The following MAN1A2 variants were observed in gnomAD, a reference collection of about 807,000 sequenced individuals.
The protein encoded by MAN1A2 is mannosyl-oligosaccharide 1,2-alpha-mannosidase IB.
Under a neutral mutation model 75.7 loss-of-function variants are expected in MAN1A2, and 26 were observed. The observed-to-expected ratio is 0.34, with a 90% CI of 0.25 to 0.48. The LOEUF is 0.48. Ranked by LOEUF, MAN1A2 falls within the 20% of genes least tolerant of loss-of-function variation. The pLI, the probability that MAN1A2 is intolerant of heterozygous loss-of-function variation, is 0.99. For missense variants in MAN1A2, 562 were observed against 775.5 expected (o/e 0.72, Z 3.27); for synonymous variants, 247 against 264.6 (o/e 0.93, Z 0.65).
chr1:117,431,143 G>C (rs982142815), intron 5 of MAN1A2, among the ~76,000 whole-genome samples: 45 of 126,830 alleles, frequency 3.5e-4, no homozygotes, highest in Middle Eastern at 4.0e-3. Context: ...AGCCGAGATG[G>C]CAGCAGTACA....
chr1:117,517,485 G>A (rs1651747035), intron 12 of MAN1A2, among the ~76,000 whole-genome samples: 2 of 152,088 alleles, frequency 1.3e-5, no homozygotes, highest in Admixed American at 1.3e-4. Flanking sequence ...AAACTGTAAT[G>A]TTTCAGTTGA....
intron 6 of MAN1A2, among the ~76,000 whole-genome samples, chr1:117,458,293 T>A (rs1482923290): frequency 6.6e-6 from 1 of 151,690 alleles, no homozygotes; most frequent in Non-Finnish European, 1.5e-5. Flanking sequence ...TCTTTGATTC[T>A]CACTTCTAGC....
chr1:117,445,884 G>GTATATATA (rs59011673), intron 6 of MAN1A2, among the ~76,000 whole-genome samples: 1 of 138,768 alleles, frequency 7.2e-6, no homozygotes, highest in African/African-American at 2.6e-5. Flanking sequence ...CTGTGTGTGT[G>GTATATATA]TATATATATA....
At chr1:117,447,573 G>A (rs536258345) in intron 6 of MAN1A2, among the ~76,000 whole-genome samples, 27 of 152,202 alleles carry the variant, frequency 1.8e-4, no homozygotes, top group Non-Finnish European at 3.4e-4. Flanking sequence ...TCCTTAATAA[G>A]TGTGTGAGAA....
rs1203441198 is a variant in MAN1A2, at chr1:117,524,149, C to T, written c.*1192C>T. The stretch of plus-strand genomic sequence containing the variant: ...GAATATTTATAGAATTCCAAAGAAT[C>T]AGAATAGTTTCAAAATAATTTTCAG... On this transcript the variant is annotated 3_prime_UTR_variant, in exon 13 of 13. Transcript: ENST00000356554. 1 of 151,904 alleles carries T rather than the reference C, an allele frequency of 6.6e-6. No homozygotes were observed. Among genetic ancestry groups the T allele is most frequent in the East Asian group, 1.9e-4 (1 of 5,176 alleles). 9.4% of individuals were successfully genotyped at this position (151,904 alleles called of 1,614,324 possible). A position where few individuals can be genotyped will look rare whatever the true frequency, so the allele number is the denominator to read the frequency against.
At chr1:117,386,596 C>T (rs149176863) in intron 1 of MAN1A2, among the ~76,000 whole-genome samples, 1 of 152,222 alleles carries the variant, frequency 6.6e-6, no homozygotes, top group Non-Finnish European at 1.5e-5. Flanking sequence ...TGTCTGCACC[C>T]TCTGGCTGAG....
intron 1 of MAN1A2, among the ~76,000 whole-genome samples, chr1:117,380,682 G>A (rs969299934): frequency 1.3e-5 from 2 of 152,142 alleles, no homozygotes; most frequent in African/African-American, 2.4e-5. Context: ...GGCTATAGAT[G>A]TATGGGTGGG....
Position 117,526,880 on chromosome 1 carries a change from C to CTCTCTCTCTCTCTCTCTATATATATATA in MAN1A2, c.*3924_*3925insCTCTCTCTCTCTCTCTATATATATATAT. The CTCTCTCTCTCTCTCTCTATATATATATA allele has an allele frequency of 1.8e-5, 1 of 54,520 alleles. No homozygotes were observed. The highest frequency in any genetic ancestry group is 3.4e-5 in the Non-Finnish European group (1 of 29,162). 3.4% of individuals were successfully genotyped at this position (54,520 alleles called of 1,614,324 possible). ...TCTCTCTCTCTCTCTCTCTCTCTCT[C>CTCTCTCTCTCTCTCTCTATATATATATA]TATATATATATATATATATATATAT... On this transcript the variant is annotated 3_prime_UTR_variant, in exon 13 of 13. Transcript: ENST00000356554.
intron 6 of MAN1A2, among the ~76,000 whole-genome samples, chr1:117,459,113 A>T (rs1366688920): frequency 6.6e-6 from 1 of 152,174 alleles, no homozygotes; most frequent in Non-Finnish European, 1.5e-5. Flanking sequence ...TTCCCTGAGG[A>T]TATGTTCTAA....
intron 2 of MAN1A2, among the ~76,000 whole-genome samples, chr1:117,404,680 A>G (rs1046029275): frequency 1.2e-4 from 19 of 152,174 alleles, no homozygotes; most frequent in Non-Finnish European, 5.9e-5. Context: ...CCTGAATCAC[A>G]TGTATCCACT....
At position 117,478,010 on chromosome 1, in the gene MAN1A2, A is replaced by T. The variant is rs531344008; in HGVS notation, c.1168+11583A>T. On this transcript the variant is annotated intron_variant, in intron 8 of 12. Transcript: ENST00000356554. ...AATAATAGACAAACAGAGAGCCAAA[A>T]TCATGAGTGAACTCCCATTCACAAT... 8.5e-5 allele frequency among the ~76,000 whole-genome samples: 13 copies of T among 152,142 alleles called. No individual in the cohort carries two copies. In the South Asian group the frequency reaches 2.3e-3, roughly 27 times the overall value.
chr1:117,420,403 A>G (rs2101780007), intron 4 of MAN1A2, among the ~76,000 whole-genome samples, 166 bp from the exon 5 acceptor site: 1 of 152,238 alleles, frequency 6.6e-6, no homozygotes, highest in East Asian at 1.9e-4. Context: ...TTTCAGTAAC[A>G]TTAACAAACG....
intron 12 of MAN1A2, chr1:117,515,947 A>G (rs1374176892): frequency 6.6e-6 from 1 of 152,084 alleles, no homozygotes; most frequent in African/African-American, 2.4e-5. Flanking sequence ...AATAAAAAAA[A>G]TATAAGGAAA....
At chr1:117,474,465 C>G (rs1650256134) in intron 8 of MAN1A2, among the ~76,000 whole-genome samples, 1 of 151,146 alleles carries the variant, frequency 6.6e-6, no homozygotes, top group African/African-American at 2.4e-5. Context: ...CTCTATCCAT[C>G]TCCAGCTCTT....
chr1:117,526,277 G>C lies in MAN1A2; in HGVS notation c.*3320G>C, dbSNP rs930270663. The C allele has an allele frequency of 4.0e-5, 6 of 151,840 alleles. No individual in the cohort carries two copies. The highest frequency in any genetic ancestry group is 1.5e-5 in the Non-Finnish European group (1 of 67,824). The allele number at this position is 151,840 out of a possible 1,614,324, so 9.4% of individuals were successfully genotyped here. ...TTGTGCCTGGCACTTTCAATCATTA[G>C]AATGTTTTATGTGATTCCACAGCAT... On this transcript the variant is annotated 3_prime_UTR_variant, in exon 13 of 13. Transcript: ENST00000356554.
chr1:117,434,707 C>T (rs1329263094), intron 5 of MAN1A2, among the ~76,000 whole-genome samples: 1 of 150,178 alleles, frequency 6.7e-6, no homozygotes, highest in Non-Finnish European at 1.5e-5. Flanking sequence ...TTGATGTATT[C>T]AGTGACTAAA....
At chr1:117,508,870 ACT>A (rs1355321649) in intron 12 of MAN1A2, among the ~76,000 whole-genome samples, 1 of 151,790 alleles carries the variant, frequency 6.6e-6, no homozygotes, top group Non-Finnish European at 1.5e-5. Flanking sequence ...TTTTAAAAAT[ACT>A]TTTTGTTTTT....
At chr1:117,404,259 GC>G (rs1647540865) in intron 2 of MAN1A2, among the ~76,000 whole-genome samples, 1 of 152,092 alleles carries the variant, frequency 6.6e-6, no homozygotes, top group African/African-American at 2.4e-5. Context: ...AATGCTGGCT[GC>G]ATAAAGCAAG....
At chr1:117,439,178 G>A (rs1297573989) in intron 5 of MAN1A2, among the ~76,000 whole-genome samples, 1 of 152,172 alleles carries the variant, frequency 6.6e-6, no homozygotes, top group Admixed American at 6.5e-5. Context: ...GAGGGACAGA[G>A]TGAATGAAGG....
Sources: gnomAD v4.1 joint callset for allele counts (sites outside exome capture counted in the v4.1 genomes callset) on GRCh38, gnomAD v4.1.1 for gene constraint, MANE v1.5 for transcripts, NCBI Gene and HGNC (gene_info 2026-07-23, HGNC 2026-07-21) for gene names.